Variants in PIP5K1C observed in about 807,000 individuals in gnomAD.
PIP5K1C encodes phosphatidylinositol-4-phosphate 5-kinase type 1 gamma.
PIP5K1C carries 45 observed loss-of-function variants against 80.1 expected under a neutral mutation model. That is an observed-to-expected ratio of 0.56 (90% CI 0.44 to 0.72). The LOEUF is 0.72. Ranked by LOEUF, PIP5K1C falls within the 30% of genes least tolerant of loss-of-function variation. The pLI is 0.00. For synonymous variants in PIP5K1C, 498 were observed against 420.1 expected (o/e 1.19, Z -2.27); for missense variants, 753 against 954.6 (o/e 0.79, Z 2.78).
chr19:3,654,499 T>TACAAA (rs2034554086), intron 6 of PIP5K1C, among the ~76,000 whole-genome samples: 1 of 152,158 alleles, frequency 6.6e-6, no homozygotes, highest in African/African-American at 2.4e-5. Context: ...GGCTGTGAGC[T>TACAAA]AAGAATGGTT....
chr19:3,663,022 G>A (rs1048112656), intron 3 of PIP5K1C, among the ~76,000 whole-genome samples: 3 of 151,360 alleles, frequency 2.0e-5, no homozygotes, highest in East Asian at 3.9e-4. Context: ...CAGCACACCC[G>A]GCTAATTATT....
chr19:3,634,362 C>T (rs1188677785), intron 16 of PIP5K1C, among the ~76,000 whole-genome samples: 2 of 151,978 alleles, frequency 1.3e-5, no homozygotes, highest in African/African-American at 2.4e-5. Context: ...CCAGCCTGGC[C>T]GCCCTGTCTT....
rs2033979901 is a variant in PIP5K1C at position 3,641,936 on chromosome 19, C to T, written c.1683-127G>A. Reference sequence around the variant, plus strand: ...TGGGAGCCTCCTGATTGGGTCTGTTCTTTCTGGCTGTCACTCCCAGCCCGG... The same window carrying T: ...TGGGAGCCTCCTGATTGGGTCTGTTTTTTCTGGCTGTCACTCCCAGCCCGG... On this transcript the variant is annotated intron_variant, in intron 14 of 17. Transcript: ENST00000335312. 10 of 757,402 alleles carry T rather than the reference C, an allele frequency of 1.3e-5. 1 individual carries two copies. The East Asian group carries it at 2.4e-4, about 18-fold the overall frequency. 46.9% of individuals were successfully genotyped at this position (757,402 alleles called of 1,614,324 possible). A position where few individuals can be genotyped will look rare whatever the true frequency, so the allele number is the denominator to read the frequency against.
rs954408733 is a variant in PIP5K1C, at chr19:3,641,710, G to A, written c.1782C>T (p.Asp594=). ...SVEIVVPKEE[D]AGVEASPAGA... The stretch of plus-strand genomic sequence containing the variant: ...CCCGCCGAGGCCGTGCTCACCCTGC[G>A]TCCTCCTCTTTGGGGACCACAATCT... Residue 594 remains aspartate, a synonymous_variant, in exon 15 of 18, where the codon GAC becomes GAT. Coordinates refer to ENST00000335312, the MANE Select transcript of PIP5K1C (RefSeq NM_012398.3). 41 of 1,607,186 alleles carry A rather than the reference G, an allele frequency of 2.6e-5. No homozygotes were observed. In the Middle Eastern group the frequency reaches 5.2e-4, roughly 20 times the overall value.
At chr19:3,664,704 C>T in intron 3 of PIP5K1C, 118 bp downstream of exon 3, 3 of 882,886 alleles carry the variant, frequency 3.4e-6, no homozygotes, top group Non-Finnish European at 5.7e-6. Context: ...CCACACCTGT[C>T]CCTGGGCAGA....
In PIP5K1C at chr19:3,638,871, C is replaced by A; in HGVS notation, c.1920+13G>T. ...TTGACGAGCCGGCGGCAGGAGGAGC[C>A]CGGGGCACTTACAAAGTAGATGTCG... is the stretch of plus-strand genomic sequence containing the variant. On this transcript the variant is annotated intron_variant, in intron 16 of 17. Transcript: ENST00000335312. 1 of 1,613,036 alleles carries A rather than the reference C, an allele frequency of 6.2e-7. No homozygotes were observed.
At chr19:3,644,336 C>A (rs540555829) in intron 11 of PIP5K1C, 85 bp from the exon 12 acceptor site, 25 of 1,383,660 alleles carry the variant, frequency 1.8e-5, no homozygotes, top group Admixed American at 3.5e-5. Flanking sequence ...ACATATACCC[C>A]ACGTCCCTGT....
intron 1 of PIP5K1C, among the ~76,000 whole-genome samples, chr19:3,671,105 C>T (rs374704156): frequency 5.3e-5 from 8 of 152,292 alleles, no homozygotes; most frequent in South Asian, 4.1e-4. Context: ...CGGGGCGGGA[C>T]GTTCCAGACC....
intron 1 of PIP5K1C, among the ~76,000 whole-genome samples, chr19:3,676,384 C>T (rs1006746460): frequency 2.0e-5 from 3 of 152,240 alleles, no homozygotes; most frequent in African/African-American, 4.8e-5. Flanking sequence ...GTGGCCCGCC[C>T]GGGCTTGGTT....
At chr19:3,675,799 G>T (rs2035339237) in intron 1 of PIP5K1C, among the ~76,000 whole-genome samples, 1 of 152,170 alleles carries the variant, frequency 6.6e-6, no homozygotes, top group South Asian at 2.1e-4. Flanking sequence ...GCACTGCAGG[G>T]TGCCGAGCAG....
chr19:3,699,796 A>G (rs868465479), intron 1 of PIP5K1C, among the ~76,000 whole-genome samples: 11 of 152,188 alleles, frequency 7.2e-5, no homozygotes, highest in African/African-American at 2.2e-4. Flanking sequence ...CCCTGTGTGC[A>G]CAGCCGGGGC....
In PIP5K1C at chr19:3,643,145, C is replaced by G; in HGVS notation, c.1649+98G>C. On this transcript the variant is annotated intron_variant, in intron 13 of 17. Coordinates refer to ENST00000335312, the MANE Select transcript of PIP5K1C (RefSeq NM_012398.3). Reference sequence around the variant, plus strand: ...ATCCACCGTACATACGATGCTCCACCCACATGCACAGCGGATGCCCCGCCC... The same window carrying G: ...ATCCACCGTACATACGATGCTCCACGCACATGCACAGCGGATGCCCCGCCC... The G allele has an allele frequency of 1.9e-6, 3 of 1,577,572 alleles. No individual in the cohort carries two copies. In the South Asian group the frequency reaches 3.3e-5, roughly 18 times the overall value.
intron 1 of PIP5K1C, among the ~76,000 whole-genome samples, chr19:3,690,962 T>C (rs1413339309): frequency 6.6e-6 from 1 of 151,972 alleles, no homozygotes; most frequent in African/African-American, 2.4e-5. Flanking sequence ...GGTGACCCCG[T>C]CTCCCTGGTG....
Position 3,692,253 on chromosome 19 carries a change from A to C in PIP5K1C, c.94+8044T>G, listed in dbSNP as rs2035972201. On this transcript the variant is annotated intron_variant, in intron 1 of 17. Coordinates refer to ENST00000335312, the MANE Select transcript of PIP5K1C (RefSeq NM_012398.3). The surrounding 1 kb of genome is among the most constrained non-coding windows in gnomAD (Gnocchi z 5.2). ...CCTCCTGCCAACAGCACAATGGAACAGAGACACCGTCCACTGAGCACAGCC... is the reference window on the plus strand; with the variant it reads ...CCTCCTGCCAACAGCACAATGGAACCGAGACACCGTCCACTGAGCACAGCC... 6.6e-6 allele frequency among the ~76,000 whole-genome samples: 1 copy of C among 152,180 alleles called. No individual in the cohort carries two copies. Among genetic ancestry groups the C allele is most frequent in the South Asian group, 2.1e-4 (1 of 4,836 alleles).
At chr19:3,687,511 A>G (rs1328113657) in intron 1 of PIP5K1C, among the ~76,000 whole-genome samples, 1 of 150,452 alleles carries the variant, frequency 6.6e-6, no homozygotes, top group Non-Finnish European at 1.5e-5. Context: ...ACACATGCAC[A>G]TACATGCACA....
rs1366425059 is a variant in PIP5K1C at position 3,688,232 on chromosome 19, G to A, written c.94+12065C>T. On this transcript the variant is annotated intron_variant, in intron 1 of 17. Transcript: ENST00000335312. The surrounding 1 kb of genome is among the most constrained non-coding windows in gnomAD (Gnocchi z 5.3). ...CGCCCCTCGCGGCTGGCTCCCCAGC[G>A]TCCCTGTCCTCCAGGGGCGCAGCGT... 4.6e-5 allele frequency among the ~76,000 whole-genome samples: 7 copies of A among 152,198 alleles called. No individual in the cohort carries two copies. The highest frequency in any genetic ancestry group is 7.2e-5 in the African/African-American group (3 of 41,462).
chr19:3,661,232 CA>C (rs1010937454), intron 4 of PIP5K1C, 149 bp from the exon 5 acceptor site: 1 of 601,964 alleles, frequency 1.7e-6, no homozygotes, highest in Non-Finnish European at 3.0e-6. Context: ...CCACAAGCAA[CA>C]GGGGGCTCCC....
At chr19:3,645,925 TG>T in intron 11 of PIP5K1C, 48 bp downstream of exon 11, 1 of 1,466,472 alleles carries the variant, frequency 6.8e-7, no homozygotes, top group Non-Finnish European at 9.6e-7. Context: ...CACGGCGCTC[TG>T]GGCCTTCCCC....
chr19:3,647,521 T>A, intron 9 of PIP5K1C, 135 bp from the exon 10 acceptor site: 1 of 773,334 alleles, frequency 1.3e-6, no homozygotes, highest in Non-Finnish European at 2.2e-6. Flanking sequence ...AAACTCAGGG[T>A]GGCAGGTGCT....
Sources: allele counts gnomAD v4.1 joint callset (sites outside exome capture counted in the v4.1 genomes callset), GRCh38; gene constraint gnomAD v4.1.1; non-coding constraint Gnocchi (gnomAD v3.1); transcripts MANE v1.5; gene names NCBI Gene and HGNC (gene_info 2026-07-23, HGNC 2026-07-21).